TF: variants seen among roughly 807,000 people sequenced by gnomAD.
TF encodes the protein serotransferrin.
In TF, 55 loss-of-function variants were observed where a neutral mutation model predicts 82.4. The ratio of observed to expected loss-of-function variants is 0.67; its 90% CI spans 0.54 to 0.84. TF has a LOEUF of 0.84. TF is among the 40% of genes least tolerant of loss of function. The pLI, the probability that TF is intolerant of heterozygous loss-of-function variation, is 0.00. For synonymous variants in TF, 332 were observed against 332.6 expected, an observed-to-expected ratio of 1.00 and a Z score of 0.02; for missense variants, 737 against 868.4, an observed-to-expected ratio of 0.85 and a Z score of 1.90.
rs371014780 is a variant in TF, at chr3:133,755,404, G to C, written c.544G>C (p.Asp182His). ...FFSGSCAPCA[D>H]GTDFPQLCQL... ...CTCGGGCAGCTGTGCCCCTTGTGCGGATGGGACGGACTTCCCCCAGCTGTG... is the reference window on the plus strand; with the variant it reads ...CTCGGGCAGCTGTGCCCCTTGTGCGCATGGGACGGACTTCCCCCAGCTGTG... Residue 182 changes from aspartate to histidine, a missense_variant, in exon 5 of 17, where the codon GAT becomes CAT. Coordinates refer to ENST00000402696, the MANE Select transcript of TF (RefSeq NM_001063.4). 3.1e-6 allele frequency: 5 copies of C among 1,614,226 alleles called. No homozygotes were observed. Among genetic ancestry groups the C allele is most frequent in the African/African-American group, 2.7e-5 (2 of 75,054 alleles).
rs1934679607 is a variant in TF at position 133,786,228 on chromosome 3, A to AAAAAC, written c.*7612_*7613insCAAAA. ...TATCAATAAAAAAATAAATTAAAAA[A>AAAAAC]AAAAAAAAAAAACAATACTATTTTT... On this transcript the variant is annotated 3_prime_UTR_variant, in exon 17 of 17. Transcript: ENST00000402696. 5.2e-5 allele frequency: 4 copies of AAAAAC among 77,014 alleles called. 1 individual carries two copies. The highest frequency in any genetic ancestry group is 1.0e-4 in the African/African-American group (3 of 28,678). The allele number at this position is 77,014 out of a possible 1,614,324, so 4.8% of individuals were successfully genotyped here.
the TF span, among the ~76,000 whole-genome samples, chr3:133,677,234 T>C: frequency 5.9e-5 from 9 of 152,354 alleles, no homozygotes; most frequent in East Asian, 1.7e-3. Context: ...CAGTGGGCTC[T>C]GATTACCTCT....
intron 9 of TF, among the ~76,000 whole-genome samples, chr3:133,763,642 C>T (rs1934050380): frequency 6.6e-6 from 1 of 152,242 alleles, no homozygotes; most frequent in Admixed American, 6.5e-5. Flanking sequence ...CTTGTTGAAT[C>T]TAAGCATCTC....
intron 6 of TF, 147 bp from the exon 7 acceptor site, chr3:133,756,684 C>T (rs1021974640): frequency 3.4e-5 from 34 of 991,972 alleles, no homozygotes; most frequent in Non-Finnish European, 4.6e-5. Context: ...GGCTCTTGAG[C>T]GAGTCATTCT....
the TF span, among the ~76,000 whole-genome samples, chr3:133,682,923 G>GA: frequency 2.0e-5 from 3 of 152,190 alleles, no homozygotes; most frequent in African/African-American, 7.2e-5. Context: ...AAGTTGAAAT[G>GA]AGGGAAAAAA....
chr3:133,745,999 G>T (rs1162373451), upstream of TF: 2 of 267,752 alleles, frequency 7.5e-6, no homozygotes, highest in Non-Finnish European at 1.5e-5. Flanking sequence ...GGGTCTGGGC[G>T]CAGTTCTTTT....
At chr3:133,676,703 A>T in the TF span, among the ~76,000 whole-genome samples, 1 of 152,242 alleles carries the variant, frequency 6.6e-6, no homozygotes, top group Non-Finnish European at 1.5e-5. Context: ...GGCAGAGCAC[A>T]GTTGTAGTTG....
At chr3:133,669,692 C>A in the TF span, among the ~76,000 whole-genome samples, 2 of 152,224 alleles carry the variant, frequency 1.3e-5, no homozygotes, top group Admixed American at 6.5e-5. Flanking sequence ...CAGCCTGGAT[C>A]TCTGAATGAC....
the TF span, among the ~76,000 whole-genome samples, chr3:133,739,401 A>C: frequency 6.6e-6 from 1 of 152,340 alleles, no homozygotes; most frequent in East Asian, 1.9e-4. Flanking sequence ...GGACATAGGC[A>C]TGGGCAAAGA....
At chr3:133,773,344 G>T (rs1559878175) in intron 14 of TF, 2 of 152,072 alleles carry the variant, frequency 1.3e-5, no homozygotes, top group Non-Finnish European at 2.9e-5. Flanking sequence ...TGTATTTTTA[G>T]TAGAGACGGG....
intron 15 of TF, 93 bp from the exon 16 acceptor site, chr3:133,776,956 G>A: frequency 8.5e-7 from 1 of 1,182,718 alleles, no homozygotes. Context: ...TTTTTCCCCA[G>A]GGCTGGTTCA....
At chr3:133,711,450 C>G in the TF span, among the ~76,000 whole-genome samples, 2 of 152,192 alleles carry the variant, frequency 1.3e-5, no homozygotes, top group East Asian at 3.8e-4. Flanking sequence ...AATGCACCAT[C>G]CCTGCCGAGC....
chr3:133,680,598 C>G, the TF span, among the ~76,000 whole-genome samples: 2 of 150,484 alleles, frequency 1.3e-5, no homozygotes, highest in South Asian at 2.1e-4. Context: ...AAGGCCTTAT[C>G]TTGACATTCC....
chr3:133,791,820 G>C lies in TF; in HGVS notation c.*13200G>C, dbSNP rs1455760679. ...TTAGGGAATGAGTCCTTTATCTTCT[G>C]TCTGTGTATTTATATGTGTTGTGTG... On this transcript the variant is annotated 3_prime_UTR_variant, in exon 17 of 17. Transcript: ENST00000402696. The C allele has an allele frequency of 2.0e-5, 3 of 152,022 alleles. No individual in the cohort carries two copies. The highest frequency in any genetic ancestry group is 4.8e-5 in the African/African-American group (2 of 41,428). The allele number at this position is 152,022 out of a possible 1,614,324, so 9.4% of individuals were successfully genotyped here. A position where few individuals can be genotyped will look rare whatever the true frequency, so the allele number is the denominator to read the frequency against.
chr3:133,778,795 A>T lies in TF; in HGVS notation c.*175A>T. The T allele has an allele frequency of 1.7e-6, 1 of 574,516 alleles. No homozygotes were observed. The highest frequency in any genetic ancestry group is 3.5e-5 in the East Asian group (1 of 28,192). 35.6% of individuals were successfully genotyped at this position (574,516 alleles called of 1,614,324 possible). A position where few individuals can be genotyped will look rare whatever the true frequency, so the allele number is the denominator to read the frequency against. ...ATTATTATTGATTTTATATTTCAAA[A>T]ACTCCATTCTTTCCTAAATATTTTC... On this transcript the variant is annotated 3_prime_UTR_variant, in exon 17 of 17. Coordinates refer to ENST00000402696, the MANE Select transcript of TF (RefSeq NM_001063.4).
chr3:133,751,344 T>C (rs571903077), intron 2 of TF, among the ~76,000 whole-genome samples: 1 of 150,902 alleles, frequency 6.6e-6, no homozygotes, highest in East Asian at 2.0e-4. Context: ...GCCATTCTCC[T>C]GCCTCAGCCT....
Position 133,757,776 on chromosome 3 carries a change from T to G in TF, c.878T>G (p.Phe293Cys), listed in dbSNP as rs1933876851. The change falls in exon 8 of 17, where the codon TTT (phenylalanine) becomes TGT (cysteine). Residue 293 changes from phenylalanine (F) to cysteine (C), a missense_variant. Phe to Cys is a radical substitution (Grantham distance 205). Coordinates refer to ENST00000402696, the MANE Select transcript of TF (RefSeq NM_001063.4). ...WELLNQAQEH[F>C]GKDKSKEFQL... ...CTGTTTTTCTATGAACAGGAACATT[T>G]TGGCAAAGACAAATCAAAAGAATTC... 1 of 1,614,046 alleles carries G rather than the reference T, an allele frequency of 6.2e-7. No individual in the cohort carries two copies.
At position 133,765,355 on chromosome 3, in the gene TF, G is replaced by A. The variant is rs8177328; in HGVS notation, c.1330+448G>A. Reference sequence around the variant, plus strand: ...GAGCCTCACACAGGCAGATATCAAGGAACATAAAATTATCTGACCTTCTAG... The same window carrying A: ...GAGCCTCACACAGGCAGATATCAAGAAACATAAAATTATCTGACCTTCTAG... On this transcript the variant is annotated intron_variant, in intron 11 of 16. Coordinates refer to ENST00000402696, the MANE Select transcript of TF (RefSeq NM_001063.4). Among the ~76,000 whole-genome samples the A allele has an allele frequency of 3.6e-3, 549 of 152,282 alleles. 1 individual carries two copies. Among genetic ancestry groups the A allele is most frequent in the Non-Finnish European group, 5.3e-3 (362 of 68,026 alleles).
the TF span, among the ~76,000 whole-genome samples, chr3:133,677,839 A>G: frequency 7.8e-4 from 118 of 152,172 alleles, no homozygotes; most frequent in Non-Finnish European, 1.5e-3. Flanking sequence ...GTGCATCACC[A>G]TGCCCAGCTA....
Sources: allele counts gnomAD v4.1 joint callset (sites outside exome capture counted in the v4.1 genomes callset), GRCh38; gene constraint gnomAD v4.1.1; transcripts MANE v1.5; gene names NCBI Gene and HGNC (gene_info 2026-07-23, HGNC 2026-07-21).